The following RCBTB1 variants were observed in gnomAD, a reference collection of about 807,000 sequenced individuals.
RCBTB1 encodes RCC1 and BTB domain containing protein 1.
A neutral mutation model predicts 62.4 loss-of-function variants in RCBTB1; 46 were observed. The ratio of observed to expected loss-of-function variants is 0.74; its 90% CI spans 0.58 to 0.94. RCBTB1 has a LOEUF of 0.94. Ranked by LOEUF, RCBTB1 falls within the 40% of genes least tolerant of loss-of-function variation. The pLI, the probability that RCBTB1 is intolerant of heterozygous loss-of-function variation, is 0.00. For missense variants in RCBTB1, 565 were observed against 654.9 expected (o/e 0.86, Z 1.50); for synonymous variants, 222 against 245.8 (o/e 0.90, Z 0.91).
chr13:49,547,734 G>A (rs1216438252), intron 9 of RCBTB1, among the ~76,000 whole-genome samples: 2 of 152,110 alleles, frequency 1.3e-5, no homozygotes, highest in Non-Finnish European at 2.9e-5. Context: ...TCAGTTGAAA[G>A]ACAAAGATAG....
chr13:49,556,645 A>T (rs1373631779), intron 5 of RCBTB1, among the ~76,000 whole-genome samples: 1 of 152,170 alleles, frequency 6.6e-6, no homozygotes, highest in Non-Finnish European at 1.5e-5. Context: ...GTCCACGTAT[A>T]TACTGAGTGT....
intron 9 of RCBTB1, among the ~76,000 whole-genome samples, 156 bp from the exon 10 acceptor site, chr13:49,545,019 A>G (rs1277921517): frequency 6.6e-6 from 1 of 152,096 alleles, no homozygotes; most frequent in Non-Finnish European, 1.5e-5. Flanking sequence ...CTACGGTATT[A>G]AAGTAAGTAT....
chr13:49,551,611 C>G, intron 7 of RCBTB1, 143 bp from the exon 8 acceptor site: 1 of 985,364 alleles, frequency 1.0e-6, no homozygotes, highest in Non-Finnish European at 1.5e-6. Context: ...ATTAAAAAAG[C>G]ATTAGAAGGC....
chr13:49,567,020 CA>C, intron 3 of RCBTB1, 133 bp downstream of exon 3: 1 of 839,812 alleles, frequency 1.2e-6, no homozygotes, highest in Non-Finnish European at 1.8e-6. Flanking sequence ...GAGAAACTAT[CA>C]AAGCCATAGT....
At chr13:49,546,885 A>T in intron 9 of RCBTB1, 5 of 917,478 alleles carry the variant, frequency 5.4e-6, no homozygotes, top group Non-Finnish European at 6.5e-6. Flanking sequence ...CAGTACAGGC[A>T]TATGGCCTGG....
chr13:49,567,701 C>T (rs1208530902), intron 2 of RCBTB1, among the ~76,000 whole-genome samples: 2 of 152,126 alleles, frequency 1.3e-5, no homozygotes, highest in African/African-American at 4.8e-5. Flanking sequence ...GCAGCTGGAG[C>T]ATGCTTAGCC....
chr13:49,568,853 C>T (rs1456401238), intron 2 of RCBTB1, among the ~76,000 whole-genome samples: 5 of 152,078 alleles, frequency 3.3e-5, no homozygotes, highest in African/African-American at 4.8e-5. Context: ...CACTTGAACC[C>T]GGGAGGCGGA....
At chr13:49,545,792 G>A (rs1206705105) in intron 9 of RCBTB1, among the ~76,000 whole-genome samples, 1 of 152,134 alleles carries the variant, frequency 6.6e-6, no homozygotes, top group Non-Finnish European at 1.5e-5. Context: ...CGGCTTCCAA[G>A]CCTGGGATGA....
In RCBTB1 at chr13:49,549,464, A is replaced by G. The variant is rs764689195; in HGVS notation, c.1039T>C (p.Ser347Pro). The G allele has an allele frequency of 6.2e-7, 1 of 1,608,506 alleles. No homozygotes were observed. Among genetic ancestry groups the G allele is most frequent in the East Asian group, 2.2e-5 (1 of 44,684 alleles). ...TGGCCCTGCACTTTCTTACCCACAG[A>G]CAGGAGGCGCCACGAGACGGCGGGA... ...ATPAVSWRLL[S>P]VEHEDFLTVA... The change falls in exon 9 of 13, where the codon TCT becomes CCT. Residue 347 changes from serine (S) to proline (P), a missense_variant. By Grantham distance (74) the Ser-to-Pro change is moderately conservative. Coordinates refer to ENST00000378302, the MANE Select transcript of RCBTB1 (RefSeq NM_018191.4).
intron 2 of RCBTB1, among the ~76,000 whole-genome samples, chr13:49,575,586 C>G (rs1236748174): frequency 6.6e-6 from 1 of 152,024 alleles, no homozygotes; most frequent in East Asian, 1.9e-4. Flanking sequence ...TAAAGAAGAA[C>G]AAAATCATGG....
chr13:49,550,728 A>G (rs1961255920), intron 8 of RCBTB1, among the ~76,000 whole-genome samples: 1 of 152,220 alleles, frequency 6.6e-6, no homozygotes, highest in Admixed American at 6.5e-5. Context: ...ATTCACACCT[A>G]TCAATCACAG....
intron 8 of RCBTB1, chr13:49,551,118 A>C: frequency 6.7e-6 from 3 of 444,454 alleles, no homozygotes; most frequent in East Asian, 8.9e-5. Flanking sequence ...AAGGGAAGGG[A>C]AGGGAAGGGG....
chr13:49,582,195 G>A (rs1482614308), intron 1 of RCBTB1, among the ~76,000 whole-genome samples: 1 of 152,222 alleles, frequency 6.6e-6, no homozygotes, highest in African/African-American at 2.4e-5. Flanking sequence ...AAGCAGAAGT[G>A]CAACAGAAGC....
intron 2 of RCBTB1, among the ~76,000 whole-genome samples, chr13:49,575,803 G>C (rs1328025540): frequency 6.6e-6 from 1 of 152,120 alleles, no homozygotes; most frequent in South Asian, 2.1e-4. Flanking sequence ...CTCACTACCT[G>C]GGTGACGGAA....
At chr13:49,576,214 TGA>T (rs1410754559) in intron 2 of RCBTB1, among the ~76,000 whole-genome samples, 1 of 133,822 alleles carries the variant, frequency 7.5e-6, no homozygotes, top group African/African-American at 2.9e-5. Flanking sequence ...AAAGTTGAGA[TGA>T]TTTTTTTTAA....
At chr13:49,534,633 T>C (rs1456757159) in intron 12 of RCBTB1, among the ~76,000 whole-genome samples, 1 of 152,248 alleles carries the variant, frequency 6.6e-6, no homozygotes, top group East Asian at 1.9e-4. Flanking sequence ...GTCTGCAGAA[T>C]GTGTTTTGTC....
chr13:49,536,746 T>C (rs1959972150), intron 12 of RCBTB1, among the ~76,000 whole-genome samples: 1 of 152,168 alleles, frequency 6.6e-6, no homozygotes, highest in African/African-American at 2.4e-5. Flanking sequence ...TTCTTGGTAT[T>C]AGAAACTAAA....
chr13:49,541,567 C>A, intron 11 of RCBTB1, 109 bp downstream of exon 11: 1 of 996,206 alleles, frequency 1.0e-6, no homozygotes. Flanking sequence ...CTTTTTTAAG[C>A]ACCAAATTAA....
chr13:49,553,144 C>T (rs6561541), intron 6 of RCBTB1, among the ~76,000 whole-genome samples: 89,139 of 151,964 alleles, frequency 0.59, 27,575 homozygotes, highest in Admixed American at 0.7. Flanking sequence ...ATCGTGCTAC[C>T]GTACTCCAGC....
Sources: allele counts gnomAD v4.1 joint callset (sites outside exome capture counted in the v4.1 genomes callset), GRCh38; gene constraint gnomAD v4.1.1; transcripts MANE v1.5; gene names NCBI Gene and HGNC (gene_info 2026-07-23, HGNC 2026-07-21).